Variants in COL3A1 observed in about 807,000 individuals in gnomAD.
The protein encoded by COL3A1 is collagen alpha-1(III) chain.
Under a neutral mutation model 200.9 loss-of-function variants are expected in COL3A1, and 46 were observed. The ratio of observed to expected loss-of-function variants is 0.23; its 90% CI spans 0.18 to 0.29. The LOEUF is 0.29. Ranked by LOEUF, COL3A1 falls within the 10% of genes least tolerant of loss-of-function variation. COL3A1 has a pLI of 1.00. For missense variants in COL3A1, 1,367 were observed against 1,917.6 expected (o/e 0.71, Z 5.36); for synonymous variants, 650 against 628.0 (o/e 1.03, Z -0.52).
In COL3A1 at chr2:188,997,721, G is replaced by A. The variant is rs1688361531; in HGVS notation, c.1891G>A (p.Asp631Asn). Residue 631 changes from aspartate (D) to asparagine (N), a missense_variant, in exon 27 of 51, where the codon GAC becomes AAC. Physicochemically the swap from Asp to Asn is conservative, Grantham distance 23 (BLOSUM62 1). Coordinates refer to ENST00000304636, the MANE Select transcript of COL3A1 (RefSeq NM_000090.4). ...GPTGPGGDKGDTGPPGPQGLQ... is the reference protein window; with the variant it reads ...GPTGPGGDKGNTGPPGPQGLQ... ...CTAGGGGCCTGGTGGTGACAAAGGA[G>A]ACACAGGACCCCCTGGTCCACAAGG... 3 of 1,613,934 alleles carry A rather than the reference G, an allele frequency of 1.9e-6. No homozygotes were observed. Among genetic ancestry groups the A allele is most frequent in the Non-Finnish European group, 2.5e-6 (3 of 1,179,844 alleles).
chr2:188,999,315 C>T lies in COL3A1; in HGVS notation c.2053C>T (p.Pro685Ser). Residue 685 changes from proline to serine, a missense_variant, in exon 30 of 51, where the codon CCT becomes TCT. By Grantham distance (74) the Pro-to-Ser change is moderately conservative (BLOSUM62 -1). Transcript: ENST00000304636. Reference sequence around the variant, plus strand: ...TGCTGGTGCCCCTGGTGAACGTGGACCTCCTGGATTGGCAGGGGCCCCAGG... The same window carrying T: ...TGCTGGTGCCCCTGGTGAACGTGGATCTCCTGGATTGGCAGGGGCCCCAGG... ...GDAGAPGERG[P>S]PGLAGAPGLR... 3 of 1,588,046 alleles carry T rather than the reference C, an allele frequency of 1.9e-6. No individual in the cohort carries two copies. Among genetic ancestry groups the T allele is most frequent in the Non-Finnish European group, 2.6e-6 (3 of 1,166,268 alleles).
At chr2:188,980,642 T>C (rs1439344013) in intron 1 of COL3A1, among the ~76,000 whole-genome samples, 6 of 150,892 alleles carry the variant, frequency 4.0e-5, no homozygotes, top group Non-Finnish European at 7.4e-5. Context: ...AAAACAGTGC[T>C]TTTAAATTAA....
intron 1 of COL3A1, among the ~76,000 whole-genome samples, chr2:188,983,237 G>A (rs758066291): frequency 1.2e-4 from 18 of 151,834 alleles, no homozygotes; most frequent in Non-Finnish European, 2.2e-4. Context: ...ACTTAAAATT[G>A]CAATTAAAAA....
intron 1 of COL3A1, among the ~76,000 whole-genome samples, chr2:188,982,498 A>G (rs1394513390): frequency 6.6e-6 from 1 of 151,846 alleles, no homozygotes; most frequent in Non-Finnish European, 1.5e-5. Context: ...TATAGAAGAT[A>G]CTTAAAATAG....
chr2:188,999,730 T>A, intron 31 of COL3A1, 112 bp from the exon 32 acceptor site: 1 of 1,369,668 alleles, frequency 7.3e-7, no homozygotes, highest in Non-Finnish European at 1.0e-6. Context: ...AAAGCAACAA[T>A]GAATTAGAAC....
At chr2:188,987,019 T>C in intron 4 of COL3A1, 40 bp from the exon 5 acceptor site, 1 of 1,535,438 alleles carries the variant, frequency 6.5e-7, no homozygotes, top group Non-Finnish European at 9.0e-7. Flanking sequence ...TTATGAACTG[T>C]CTGTTAAAAT....
At chr2:188,997,502 A>G (rs550189667) in intron 26 of COL3A1, 113 bp downstream of exon 26, 2 of 1,268,840 alleles carry the variant, frequency 1.6e-6, no homozygotes, top group African/African-American at 1.5e-5. Context: ...TACCAAAGCA[A>G]TGATGAAACT....
At position 189,007,561 on chromosome 2, in the gene COL3A1, A is replaced by C; in HGVS notation, c.3317A>C (p.Lys1106Thr). ...ETGERGAAGIKGHRGFPGNPG... is the reference protein window; with the variant it reads ...ETGERGAAGITGHRGFPGNPG... ...GGTGAACGTGGAGCTGCTGGCATCAAAGGACATCGAGGATTCCCTGGTAAT... is the reference window on the plus strand; with the variant it reads ...GGTGAACGTGGAGCTGCTGGCATCACAGGACATCGAGGATTCCCTGGTAAT... The change falls in exon 45 of 51, where the codon AAA (lysine) becomes ACA (threonine). Residue 1106 changes from lysine to threonine, a missense_variant. Lys to Thr is a moderately conservative substitution (Grantham distance 78, BLOSUM62 -1). Coordinates refer to ENST00000304636, the MANE Select transcript of COL3A1 (RefSeq NM_000090.4). 1 of 1,613,802 alleles carries C rather than the reference A, an allele frequency of 6.2e-7. No homozygotes were observed. The highest frequency in any genetic ancestry group is 8.5e-7 in the Non-Finnish European group (1 of 1,179,866).
At position 189,008,560 on chromosome 2, in the gene COL3A1, G is replaced by A. The variant is rs1406758822; in HGVS notation, c.3526-364G>A. 4 of 392,520 alleles carry A rather than the reference G, an allele frequency of 1.0e-5. No individual in the cohort carries two copies. The East Asian group carries it at 2.3e-4, about 23-fold the overall frequency. 24.3% of individuals were successfully genotyped at this position (392,520 alleles called of 1,614,324 possible). ...AATACTTTCTATTCCATGCCTTTGGGTAAATGAAATAAAAACAATTATCCC... is the reference window on the plus strand; with the variant it reads ...AATACTTTCTATTCCATGCCTTTGGATAAATGAAATAAAAACAATTATCCC... On this transcript the variant is annotated intron_variant, in intron 47 of 50. Coordinates refer to ENST00000304636, the MANE Select transcript of COL3A1 (RefSeq NM_000090.4).
chr2:188,999,875 C>G lies in COL3A1; in HGVS notation c.2263C>G (p.Pro755Ala), dbSNP rs765724017. 1 of 1,593,638 alleles carries G rather than the reference C, an allele frequency of 6.3e-7. No individual in the cohort carries two copies. The highest frequency in any genetic ancestry group is 8.5e-7 in the Non-Finnish European group (1 of 1,171,152). Residue 755 changes from proline to alanine, a missense_variant, in exon 32 of 51, where the codon CCA (proline) becomes GCA (alanine). Physicochemically the swap from Pro to Ala is conservative, Grantham distance 27. Transcript: ENST00000304636. ...AGGCGGTCCAGGTGCTGATGGTGTC[C>G]CAGGGAAAGATGGCCCAAGGGTGAG... is the stretch of plus-strand genomic sequence containing the variant. ...EPGGPGADGV[P>A]GKDGPRGPTG...
chr2:188,978,687 C>T (rs1687879899), intron 1 of COL3A1, among the ~76,000 whole-genome samples: 2 of 150,800 alleles, frequency 1.3e-5, no homozygotes, highest in South Asian at 2.1e-4. Context: ...TTTCTGGAAC[C>T]CTCTCAGTGA....
chr2:189,009,498 T>A (rs77618364), intron 48 of COL3A1, among the ~76,000 whole-genome samples: 2 of 238 alleles, frequency 8.4e-3, no homozygotes, highest in Non-Finnish European at 0.024. Context: ...GTAACATATC[T>A]TTTTTTCTCA....
In COL3A1 at chr2:188,993,037, A is replaced by G. The variant is rs921552923; in HGVS notation, c.1050+97A>G. The G allele has an allele frequency of 6.3e-6, 7 of 1,108,692 alleles. No homozygotes were observed. The Admixed American group carries it at 1.2e-4, about 19-fold the overall frequency. 68.7% of individuals were successfully genotyped at this position (1,108,692 alleles called of 1,614,324 possible). On this transcript the variant is annotated intron_variant, in intron 15 of 50. Coordinates refer to ENST00000304636, the MANE Select transcript of COL3A1 (RefSeq NM_000090.4). ...GCAACTGATTTTTTTAATCAGTCAA[A>G]TGGATAGCTTTTATCTATACATGTC...
At position 188,994,243 on chromosome 2, in the gene COL3A1, G is replaced by A. The variant is rs1064797017; in HGVS notation, c.1204G>A (p.Gly402Ser). Residue 402 changes from glycine to serine, a missense_variant, in exon 18 of 51, where the codon GGC becomes AGC. Gly to Ser is a moderately conservative substitution (Grantham distance 56). Transcript: ENST00000304636. The surrounding 1 kb of genome is among the most constrained non-coding windows in gnomAD (Gnocchi z 4.5). ...PGGKGEMGPA[G>S]IPGAPGLMGA... Reference sequence around the variant, plus strand: ...TTTGGTTTGTTCTTAGGGTCCCGCTGGCATTCCTGGAGCTCCTGGACTGAT... The same window carrying A: ...TTTGGTTTGTTCTTAGGGTCCCGCTAGCATTCCTGGAGCTCCTGGACTGAT... The A allele has an allele frequency of 6.2e-7, 1 of 1,613,928 alleles. No homozygotes were observed. The highest frequency in any genetic ancestry group is 1.3e-5 in the African/African-American group (1 of 74,894).
At chr2:189,003,334 GT>G (rs1688512360) in intron 36 of COL3A1, 76 bp from the exon 37 acceptor site, 1 of 1,312,658 alleles carries the variant, frequency 7.6e-7, no homozygotes, top group Non-Finnish European at 1.1e-6. Context: ...AGAGTTCCTG[GT>G]TTTCAAAGGC....
chr2:188,985,035 G>A (rs574214165), intron 2 of COL3A1, 73 bp downstream of exon 2: 1 of 1,484,966 alleles, frequency 6.7e-7, no homozygotes, highest in African/African-American at 1.4e-5. Flanking sequence ...TATCATAGGA[G>A]CCTAAAAGGG....
intron 31 of COL3A1, 55 bp from the exon 32 acceptor site, chr2:188,999,787 G>C (rs908574054): frequency 1.3e-6 from 2 of 1,553,370 alleles, no homozygotes. Flanking sequence ...CCTCTTCTTG[G>C]CTGATTTTCA....
At chr2:188,992,423 A>G (rs939551763) in intron 14 of COL3A1, among the ~76,000 whole-genome samples, 195 bp downstream of exon 14, 13 of 152,144 alleles carry the variant, frequency 8.5e-5, no homozygotes, top group African/African-American at 3.1e-4. Context: ...CCCAATACTT[A>G]ATATTGTATA....
intron 1 of COL3A1, among the ~76,000 whole-genome samples, chr2:188,982,537 A>G (rs979940193): frequency 6.6e-6 from 1 of 151,962 alleles, no homozygotes; most frequent in Middle Eastern, 3.4e-3. Context: ...TTTAACTATT[A>G]TCTTCATTTG....
Sources: allele counts gnomAD v4.1 joint callset (sites outside exome capture counted in the v4.1 genomes callset), GRCh38; gene constraint gnomAD v4.1.1; non-coding constraint Gnocchi (gnomAD v3.1); transcripts MANE v1.5; gene names NCBI Gene and HGNC (gene_info 2026-07-23, HGNC 2026-07-21).